Variants in WNK3 observed in about 807,000 individuals in gnomAD.
WNK3 encodes WNK lysine deficient protein kinase 3, also known as serine/threonine-protein kinase WNK3.
WNK3 carries 18 observed loss-of-function variants against 116.7 expected under a neutral mutation model. The ratio of observed to expected loss-of-function variants is 0.15; its 90% CI spans 0.11 to 0.23. WNK3 has a LOEUF of 0.23. WNK3 is among the 10% of genes least tolerant of loss of function. The pLI, the probability that WNK3 is intolerant of heterozygous loss-of-function variation, is 1.00. For synonymous variants in WNK3, 404 were observed against 469.4 expected (o/e 0.86, Z 1.80); for missense variants, 993 against 1,323.8 (o/e 0.75, Z 3.88).
intron 2 of WNK3, among the ~76,000 whole-genome samples, chrX:54,321,301 A>C (rs2069030665): frequency 8.9e-6 from 1 of 111,943 alleles, no homozygotes; most frequent in Admixed American, 9.6e-5. Context: ...TCTTTAAAAG[A>C]AAAGTAAAAA....
intron 22 of WNK3, among the ~76,000 whole-genome samples, chrX:54,209,788 TG>T: frequency 9.1e-6 from 1 of 110,267 alleles, no homozygotes. Context: ...TAACCTCAGG[TG>T]ATCTGCTCAC....
chrX:54,298,639 G>C (rs1326320785), intron 6 of WNK3, among the ~76,000 whole-genome samples: 2 of 111,626 alleles, frequency 1.8e-5, no homozygotes, highest in Admixed American at 1.9e-4. Flanking sequence ...CATGCATACG[G>C]AGTGACTTCA....
intron 10 of WNK3, among the ~76,000 whole-genome samples, chrX:54,267,706 G>A (rs1336831803): frequency 2.7e-5 from 3 of 110,512 alleles, no homozygotes; most frequent in Non-Finnish European, 3.8e-5. Flanking sequence ...TGAGGCAAGA[G>A]AATCACTTGA....
intron 2 of WNK3, among the ~76,000 whole-genome samples, chrX:54,320,372 G>A (rs1269858269): frequency 3.6e-5 from 4 of 111,801 alleles, no homozygotes; most frequent in African/African-American, 1.3e-4. Context: ...CAAGTCAGAG[G>A]CTACATGGAT....
At chrX:54,254,330 C>CA (rs1569536799) in intron 12 of WNK3, among the ~76,000 whole-genome samples, 1 of 111,177 alleles carries the variant, frequency 9.0e-6, no homozygotes, top group Non-Finnish European at 1.9e-5. Flanking sequence ...TATAAGAAAG[C>CA]AAAAAAAGTT....
intron 1 of WNK3, among the ~76,000 whole-genome samples, chrX:54,352,961 G>A (rs1179605457): frequency 8.9e-6 from 1 of 111,865 alleles, no homozygotes; most frequent in Non-Finnish European, 1.9e-5. Flanking sequence ...CTGAGTGAAA[G>A]CCAGACACAA....
At chrX:54,238,803 C>CA (rs1484034717) in intron 18 of WNK3, 65 bp downstream of exon 18, 26 of 909,344 alleles carry the variant, frequency 2.9e-5, no homozygotes, top group Non-Finnish European at 3.2e-5. Flanking sequence ...ATATGAACAA[C>CA]AAAAAAAATA....
At chrX:54,237,686 C>CA in intron 19 of WNK3, 135 bp from the exon 20 acceptor site, 1 of 590,051 alleles carries the variant, frequency 1.7e-6, no homozygotes, top group East Asian at 3.9e-5. Context: ...AATCAGGCCC[C>CA]TTGGGTAAAG....
intron 22 of WNK3, among the ~76,000 whole-genome samples, chrX:54,204,595 G>T (rs1340477595): frequency 8.9e-6 from 1 of 112,120 alleles, no homozygotes; most frequent in Non-Finnish European, 1.9e-5. Flanking sequence ...AAAATCCTGA[G>T]ACACAAAAGT....
At chrX:54,262,226 A>T in intron 10 of WNK3, among the ~76,000 whole-genome samples, 1 of 111,601 alleles carries the variant, frequency 9.0e-6, no homozygotes, top group Admixed American at 9.6e-5. Flanking sequence ...AAATGTATTA[A>T]GTATTTTTCC....
At chrX:54,338,250 G>A (rs1394565631) in intron 1 of WNK3, among the ~76,000 whole-genome samples, 3 of 109,827 alleles carry the variant, frequency 2.7e-5, no homozygotes, top group African/African-American at 9.9e-5. Flanking sequence ...GTGAAACCCC[G>A]TCTCTACTGA....
chrX:54,237,346 T>C (rs782782407), exon 20 of WNK3: 4 of 1,210,834 alleles, frequency 3.3e-6, no homozygotes, highest in Non-Finnish European at 4.5e-6. Context: ...TTTATTTTCT[T>C]TACAGGTTTC....
At chrX:54,277,304 A>G (rs2068460352) in intron 10 of WNK3, among the ~76,000 whole-genome samples, 1 of 110,634 alleles carries the variant, frequency 9.0e-6, no homozygotes, top group African/African-American at 3.3e-5. Flanking sequence ...GAGAGATCAC[A>G]CTGTCTCTAT....
chrX:54,306,774 CTT>C (rs2068830538), intron 5 of WNK3, among the ~76,000 whole-genome samples: 1 of 110,738 alleles, frequency 9.0e-6, no homozygotes, highest in African/African-American at 3.3e-5. Flanking sequence ...TTCAAAATAA[CTT>C]AGTAAATTTC....
intron 10 of WNK3, among the ~76,000 whole-genome samples, chrX:54,277,372 T>A (rs1418444161): frequency 9.2e-6 from 1 of 108,860 alleles, no homozygotes; most frequent in East Asian, 2.9e-4. Context: ...GGAGTCTTGC[T>A]CTATTGCCAG....
chrX:54,294,638 A>G (rs782748876), exon 8 of WNK3: 69 of 1,206,393 alleles, frequency 5.7e-5, no homozygotes, highest in Non-Finnish European at 7.4e-5. Context: ...CTTCACATTC[A>G]GCCCCAGTTT....
intron 1 of WNK3, among the ~76,000 whole-genome samples, chrX:54,342,143 C>T (rs925104667): frequency 1.8e-5 from 2 of 111,015 alleles, no homozygotes; most frequent in Non-Finnish European, 3.8e-5. Context: ...TGGTCCACGC[C>T]TATAGTCCCA....
intron 2 of WNK3, among the ~76,000 whole-genome samples, chrX:54,318,192 TCTACTAAAAATACAAAAA>T (rs1557171418): frequency 9.3e-6 from 1 of 107,667 alleles, no homozygotes; most frequent in East Asian, 3.0e-4. Flanking sequence ...AACCCCATTC[TCTACTAAAAATACAAAAA>T]TTATCCGGCT....
At chrX:54,198,335 C>G (rs782398134) in exon 24 of WNK3, 2 of 1,193,851 alleles carry the variant, frequency 1.7e-6, no homozygotes, top group Non-Finnish European at 2.3e-6. Flanking sequence ...CATTTAGGAC[C>G]AGGAGGGATT....
Sources: allele counts gnomAD v4.1 joint callset (sites outside exome capture counted in the v4.1 genomes callset), GRCh38; gene constraint gnomAD v4.1.1; transcripts MANE v1.5; gene names NCBI Gene and HGNC (gene_info 2026-07-23, HGNC 2026-07-21).